The following CDK14 variants were observed in gnomAD, a reference collection of about 807,000 sequenced individuals.
CDK14 encodes cyclin-dependent kinase 14.
CDK14 carries 34 observed loss-of-function variants against 60.7 expected under a neutral mutation model. The ratio of observed to expected loss-of-function variants is 0.56; its 90% CI spans 0.43 to 0.75. The LOEUF (loss-of-function observed/expected upper bound fraction) is 0.75, where lower values mean the gene tolerates loss of function less well. CDK14 is among the 30% of genes least tolerant of loss of function. The pLI, the probability that CDK14 is intolerant of heterozygous loss-of-function variation, is 0.00. For synonymous variants in CDK14, 197 were observed against 203.7 expected (o/e 0.97, Z 0.28); for missense variants, 482 against 564.1 (o/e 0.85, Z 1.47).
intron 12 of CDK14, among the ~76,000 whole-genome samples, chr7:91,080,849 T>C (rs1192480849): frequency 1.3e-5 from 2 of 152,198 alleles, no homozygotes; most frequent in African/African-American, 2.4e-5. Context: ...TTCTGGAGAA[T>C]AGGTAATTAG....
chr7:90,911,653 C>A (rs2117396571), intron 7 of CDK14, among the ~76,000 whole-genome samples: 1 of 145,314 alleles, frequency 6.9e-6, no homozygotes, highest in Non-Finnish European at 1.5e-5. Flanking sequence ...CACCTCTAGA[C>A]ACTGAGAAAA....
At chr7:90,792,967 A>G (rs933076689) in intron 5 of CDK14, among the ~76,000 whole-genome samples, 1 of 152,180 alleles carries the variant, frequency 6.6e-6, no homozygotes, top group East Asian at 1.9e-4. Context: ...ATCCCATTTC[A>G]GAGAGAGTTT....
At chr7:91,108,535 T>G (rs1799377889) in intron 12 of CDK14, among the ~76,000 whole-genome samples, 1 of 152,212 alleles carries the variant, frequency 6.6e-6, no homozygotes, top group Non-Finnish European at 1.5e-5. Context: ...CTAAGAACTG[T>G]GAACAGTCTA....
At chr7:90,828,027 A>G (rs1283759944) in intron 5 of CDK14, among the ~76,000 whole-genome samples, 1 of 152,234 alleles carries the variant, frequency 6.6e-6, no homozygotes, top group African/African-American at 2.4e-5. Flanking sequence ...ACTATATCAA[A>G]CTGTCTTAAA....
intron 5 of CDK14, among the ~76,000 whole-genome samples, chr7:90,809,669 A>C (rs183514650): frequency 6.6e-6 from 1 of 152,192 alleles, no homozygotes; most frequent in East Asian, 1.9e-4. Context: ...CTTCAAAGAA[A>C]TGAATCCAGG....
At chr7:90,903,047 C>G (rs1174154472) in intron 7 of CDK14, among the ~76,000 whole-genome samples, 1 of 152,070 alleles carries the variant, frequency 6.6e-6, no homozygotes, top group Admixed American at 6.6e-5. Flanking sequence ...TTCCATCTTA[C>G]CCCAGTTAGG....
At chr7:90,836,844 C>T (rs1195170252) in intron 5 of CDK14, among the ~76,000 whole-genome samples, 1 of 152,166 alleles carries the variant, frequency 6.6e-6, no homozygotes, top group South Asian at 2.1e-4. Context: ...CATTTTTAAG[C>T]TCTATCATAA....
intron 14 of CDK14, among the ~76,000 whole-genome samples, chr7:91,188,782 A>T (rs1311329633): frequency 6.6e-6 from 1 of 152,220 alleles, no homozygotes; most frequent in Non-Finnish European, 1.5e-5. Context: ...GTGACTGTAG[A>T]GCAACAGTGT....
chr7:91,089,395 T>G (rs1387325012), intron 12 of CDK14, among the ~76,000 whole-genome samples: 1 of 152,174 alleles, frequency 6.6e-6, no homozygotes. Context: ...TAAATGTTGA[T>G]TGCTTCTCAT....
At chr7:90,857,035 C>T (rs1423101454) in intron 5 of CDK14, among the ~76,000 whole-genome samples, 1 of 151,726 alleles carries the variant, frequency 6.6e-6, no homozygotes, top group Non-Finnish European at 1.5e-5. Context: ...CTCTTTTTTC[C>T]TAGTAGGACA....
chr7:91,104,293 G>A (rs1181601663), intron 12 of CDK14, among the ~76,000 whole-genome samples: 6 of 152,174 alleles, frequency 3.9e-5, no homozygotes, highest in Non-Finnish European at 8.8e-5. Context: ...GAAATCTATA[G>A]GAGGGCCTCA....
chr7:90,775,597 C>A (rs1304999803), intron 4 of CDK14, among the ~76,000 whole-genome samples: 1 of 138,654 alleles, frequency 7.2e-6, no homozygotes, highest in East Asian at 2.4e-4. Context: ...GAAAGTAGGA[C>A]CAGAGAAAAA....
intron 12 of CDK14, among the ~76,000 whole-genome samples, chr7:91,110,411 T>C (rs185324406): frequency 6.6e-6 from 1 of 152,292 alleles, no homozygotes; most frequent in African/African-American, 2.4e-5. Flanking sequence ...CTATAAGTGT[T>C]TATAATTCTT....
intron 11 of CDK14, among the ~76,000 whole-genome samples, chr7:91,071,635 C>T (rs1285868665): frequency 6.6e-6 from 1 of 152,224 alleles, no homozygotes; most frequent in Non-Finnish European, 1.5e-5. Flanking sequence ...TCTGCTTAAG[C>T]CTGCCAAGCT....
chr7:90,952,243 C>G (rs1028545453), intron 8 of CDK14, among the ~76,000 whole-genome samples: 2 of 152,042 alleles, frequency 1.3e-5, no homozygotes, highest in Admixed American at 6.6e-5. Context: ...GGGAAAATGT[C>G]GGGAGCACTG....
At chr7:90,802,511 A>G (rs1786444706) in intron 5 of CDK14, among the ~76,000 whole-genome samples, 2 of 152,152 alleles carry the variant, frequency 1.3e-5, no homozygotes, top group Admixed American at 6.5e-5. Flanking sequence ...TCTTACAGTA[A>G]ATTTTAATAA....
intron 14 of CDK14, among the ~76,000 whole-genome samples, chr7:91,142,444 A>T (rs548919894): frequency 4.6e-5 from 7 of 152,236 alleles, no homozygotes; most frequent in Admixed American, 2.0e-4. Context: ...AGAAAAGTGA[A>T]ATATTTCTTG....
intron 2 of CDK14, among the ~76,000 whole-genome samples, chr7:90,616,456 A>C (rs1449883196): frequency 2.6e-5 from 4 of 152,174 alleles, no homozygotes; most frequent in Non-Finnish European, 5.9e-5. Context: ...AATGTCCTGC[A>C]GTGCCTGATT....
intron 2 of CDK14, among the ~76,000 whole-genome samples, chr7:90,696,570 C>T (rs1584799414): frequency 2.0e-5 from 3 of 151,904 alleles, no homozygotes; most frequent in Admixed American, 1.3e-4. Flanking sequence ...CCACCTCAGC[C>T]GTTTTGTACA....
Sources: allele counts gnomAD v4.1 joint callset (sites outside exome capture counted in the v4.1 genomes callset), GRCh38; gene constraint gnomAD v4.1.1; transcripts MANE v1.5; gene names NCBI Gene and HGNC (gene_info 2026-07-23, HGNC 2026-07-21).